The following CDH18 variants were observed in gnomAD, a reference collection of about 807,000 sequenced individuals.
CDH18 encodes the protein cadherin 18.
CDH18 carries 31 observed loss-of-function variants against 67.9 expected under a neutral mutation model. The ratio of observed to expected loss-of-function variants is 0.46; its 90% CI spans 0.34 to 0.62. The LOEUF (loss-of-function observed/expected upper bound fraction) is 0.62, where lower values mean the gene tolerates loss of function less well. Ranked by LOEUF, CDH18 falls within the 20% of genes least tolerant of loss-of-function variation. The pLI is 0.01. For missense variants in CDH18, 890 were observed against 975.5 expected (o/e 0.91, Z 1.17); for synonymous variants, 362 against 347.2 (o/e 1.04, Z -0.48).
intron 1 of CDH18, among the ~76,000 whole-genome samples, chr5:20,418,727 G>T (rs182914790): frequency 2.0e-5 from 3 of 151,934 alleles, no homozygotes; most frequent in African/African-American, 7.3e-5. Context: ...TATAAAAAGG[G>T]GTATTTGTAA....
intron 2 of CDH18, among the ~76,000 whole-genome samples, chr5:19,920,534 G>T (rs1291628248): frequency 5.3e-5 from 6 of 112,754 alleles, no homozygotes; most frequent in Non-Finnish European, 8.7e-5. Context: ...TTTTTTTTCA[G>T]ACGGTGTCTT....
At chr5:20,346,289 T>G (rs1740691136) in intron 1 of CDH18, among the ~76,000 whole-genome samples, 1 of 152,178 alleles carries the variant, frequency 6.6e-6, no homozygotes, top group African/African-American at 2.4e-5. Flanking sequence ...GCTTATCAAC[T>G]ATTTAACGGG....
chr5:20,326,381 C>T (rs12654113), intron 1 of CDH18, among the ~76,000 whole-genome samples: 6 of 151,726 alleles, frequency 4.0e-5, no homozygotes, highest in African/African-American at 1.5e-4. Flanking sequence ...TTTACATATA[C>T]TCTTGAATAT....
chr5:19,512,784 TC>T (rs1209496325), intron 10 of CDH18, among the ~76,000 whole-genome samples: 1 of 152,086 alleles, frequency 6.6e-6, no homozygotes, highest in Non-Finnish European at 1.5e-5. Context: ...TAAAATACTA[TC>T]CTTTTTTGCT....
chr5:19,622,471 C>A (rs956055920), intron 5 of CDH18, among the ~76,000 whole-genome samples: 9 of 152,184 alleles, frequency 5.9e-5, no homozygotes, highest in Admixed American at 1.3e-4. Flanking sequence ...AATTCTTTGA[C>A]AATAGTCCCA....
chr5:19,721,384 G>C lies in CDH18; in HGVS notation c.606C>G (p.Leu202=). ...CGACGGAGAAGTAGGGTTGTCCTTG[G>C]AGAATGCTGTAAACCACCCGAGCGC... The part of the protein sequence containing the change: ...GNSARVVYSI[L]QGQPYFSVDP... The change falls in exon 5 of 13, where the codon CTC becomes CTG. Residue 202 remains leucine (L), a synonymous_variant. Transcript: ENST00000382275. 1 of 1,608,570 alleles carries C rather than the reference G, an allele frequency of 6.2e-7. No individual in the cohort carries two copies. The highest frequency in any genetic ancestry group is 2.2e-5 in the East Asian group (1 of 44,848).
intron 1 of CDH18, among the ~76,000 whole-genome samples, chr5:20,400,536 G>A (rs1745668339): frequency 1.3e-5 from 2 of 151,396 alleles, no homozygotes; most frequent in East Asian, 1.9e-4. Flanking sequence ...CAAAGCAGGT[G>A]GATCACTTGA....
chr5:20,255,370 CAG>C (rs1380769472), intron 2 of CDH18: 1 of 152,036 alleles, frequency 6.6e-6, no homozygotes, highest in African/African-American at 2.4e-5. Flanking sequence ...AATATTTTAA[CAG>C]AAATTTATTA....
At chr5:20,067,186 G>A (rs935026959) in intron 2 of CDH18, among the ~76,000 whole-genome samples, 10 of 151,700 alleles carry the variant, frequency 6.6e-5, no homozygotes, top group Non-Finnish European at 8.8e-5. Flanking sequence ...TGACTTGAGC[G>A]TTGAGTATAT....
chr5:19,876,490 A>T (rs1787018864), intron 2 of CDH18, among the ~76,000 whole-genome samples: 1 of 152,126 alleles, frequency 6.6e-6, no homozygotes, highest in South Asian at 2.1e-4. Context: ...GAGTATTTAA[A>T]TATTGATATG....
At chr5:20,200,634 C>T (rs952064061) in intron 2 of CDH18, among the ~76,000 whole-genome samples, 1 of 151,968 alleles carries the variant, frequency 6.6e-6, no homozygotes, top group African/African-American at 2.4e-5. Flanking sequence ...TGTGATTGGG[C>T]CACCAGACTC....
In CDH18 at chr5:20,246,626, G is replaced by A. The variant is rs189186151; in HGVS notation, c.-518+8818C>T. ...ATTAATAATTAAGAAGAAACCAATG[G>A]CTTTGATTACCAGATCACCTCAACC... is the stretch of plus-strand genomic sequence containing the variant. On this transcript the variant is annotated intron_variant, in intron 2 of 14. Coordinates refer to the CDH18 transcript ENST00000507958. Among the ~76,000 whole-genome samples the A allele has an allele frequency of 2.0e-5, 3 of 152,118 alleles. No homozygotes were observed. In the East Asian group the frequency reaches 5.8e-4, roughly 29 times the overall value.
chr5:20,487,388 C>A (rs1753267893), intron 1 of CDH18, among the ~76,000 whole-genome samples: 1 of 146,764 alleles, frequency 6.8e-6, no homozygotes, highest in South Asian at 2.1e-4. Flanking sequence ...ATGTATAAAC[C>A]TATATATATA....
rs750231914 is a variant in CDH18, at chr5:19,747,187, G to A, written c.278C>T (p.Thr93Ile). 3 of 1,613,950 alleles carry A rather than the reference G, an allele frequency of 1.9e-6. No individual in the cohort carries two copies. Among genetic ancestry groups the A allele is most frequent in the Admixed American group, 1.7e-5 (1 of 60,020 alleles). Reference sequence around the variant, plus strand: ...AAATATAGTCCCAGCACCCTCTCCAGTAAGGATGTACTTGACAGATCCATC... The same window carrying A: ...AAATATAGTCCCAGCACCCTCTCCAATAAGGATGTACTTGACAGATCCATC... ...KGDGSVKYIL[T>I]GEGAGTIFII... Residue 93 changes from threonine to isoleucine, a missense_variant, in exon 4 of 13, where the codon ACT (threonine) becomes ATT (isoleucine). By Grantham distance (89) the Thr-to-Ile change is moderately conservative (BLOSUM62 -1). Around this residue, in one of 2 missense-constraint regions of CDH18, gnomAD observed 234 missense variants for 307.4 expected, o/e 0.76. Coordinates refer to ENST00000382275, the MANE Select transcript of CDH18 (RefSeq NM_004934.5).
At chr5:19,985,231 T>C (rs952164501) in intron 1 of CDH18, among the ~76,000 whole-genome samples, 1 of 152,084 alleles carries the variant, frequency 6.6e-6, no homozygotes, top group Non-Finnish European at 1.5e-5. Context: ...ACCTACCAAT[T>C]GAAAACCATT....
At chr5:20,062,172 T>TTATTATTATTAC (rs1742558012) in intron 2 of CDH18, among the ~76,000 whole-genome samples, 1 of 147,424 alleles carries the variant, frequency 6.8e-6, no homozygotes, top group Non-Finnish European at 1.5e-5. Context: ...ATTATTATTA[T>TTATTATTATTAC]TATTGAGACA....
At chr5:19,806,917 G>A (rs964020906) in intron 3 of CDH18, among the ~76,000 whole-genome samples, 2 of 152,148 alleles carry the variant, frequency 1.3e-5, no homozygotes, top group East Asian at 1.9e-4. Flanking sequence ...ACCCTATAAA[G>A]TGTAGTTAAA....
At chr5:20,085,445 C>T (rs1010275802) in intron 2 of CDH18, among the ~76,000 whole-genome samples, 1 of 152,148 alleles carries the variant, frequency 6.6e-6, no homozygotes, top group African/African-American at 2.4e-5. Flanking sequence ...ACTGAGCCCT[C>T]CAAATTGTTC....
intron 1 of CDH18, among the ~76,000 whole-genome samples, chr5:20,398,972 CG>C (rs370785159): frequency 1.3e-5 from 2 of 149,452 alleles, no homozygotes; most frequent in African/African-American, 5.1e-5. Context: ...TGTATACCCA[CG>C]TAGAAAACCA....
Sources: gnomAD v4.1 joint callset for allele counts (sites outside exome capture counted in the v4.1 genomes callset) on GRCh38, gnomAD v4.1.1 for gene constraint, gnomAD v4.1.1 regional missense constraint, MANE v1.5 for transcripts, NCBI Gene and HGNC (gene_info 2026-07-23, HGNC 2026-07-21) for gene names.